Variants in KREMEN1 observed in about 807,000 individuals in gnomAD.
KREMEN1 encodes kremen protein 1.
Under a neutral mutation model 46.5 loss-of-function variants are expected in KREMEN1, and 30 were observed. That is an observed-to-expected ratio of 0.65 (90% confidence interval 0.48 to 0.88). The LOEUF (loss-of-function observed/expected upper bound fraction) is 0.88. Ranked by LOEUF, KREMEN1 falls within the 40% of genes least tolerant of loss-of-function variation. The pLI, the probability that KREMEN1 is intolerant of heterozygous loss-of-function variation, is 0.00. For synonymous variants in KREMEN1, 214 were observed against 230.6 expected (o/e 0.93, Z 0.65); for missense variants, 533 against 596.9 (o/e 0.89, Z 1.11).
At chr22:29,154,345 G>C (rs905684111) in intron 9 of KREMEN1, 1 of 152,204 alleles carries the variant, frequency 6.6e-6, no homozygotes, top group African/African-American at 2.4e-5. Context: ...TAGGGACCTA[G>C]CTGTTGGGTG....
At chr22:29,101,720 C>T (rs973184116) in intron 3 of KREMEN1, among the ~76,000 whole-genome samples, 1 of 152,216 alleles carries the variant, frequency 6.6e-6, no homozygotes, top group Non-Finnish European at 1.5e-5. Flanking sequence ...AGTACAGTAA[C>T]ATGCTGCTCA....
At chr22:29,164,944 G>A (rs892331206) in intron 9 of KREMEN1, among the ~76,000 whole-genome samples, 1 of 151,808 alleles carries the variant, frequency 6.6e-6, no homozygotes, top group Non-Finnish European at 1.5e-5. Context: ...GGAGGCCCAG[G>A]CAGGCGGATC....
chr22:29,132,982 C>G (rs1489640321), intron 5 of KREMEN1, among the ~76,000 whole-genome samples: 1 of 152,174 alleles, frequency 6.6e-6, no homozygotes, highest in Non-Finnish European at 1.5e-5. Flanking sequence ...GATGTGGTGG[C>G]TCATGCCTGT....
intron 4 of KREMEN1, 112 bp downstream of exon 4, chr22:29,121,593 C>A: frequency 8.6e-7 from 1 of 1,156,212 alleles, no homozygotes; most frequent in Non-Finnish European, 1.2e-6. Flanking sequence ...CAAAAGGCCA[C>A]ATATTGTATG....
In KREMEN1 at chr22:29,157,384, C is replaced by A. The variant is rs150682812; in HGVS notation, c.1417-9660C>A. 4.1e-3 allele frequency among the ~76,000 whole-genome samples: 631 copies of A among 152,326 alleles called. 5 individuals are homozygous for A. The highest frequency in any genetic ancestry group is 0.015 in the African/African-American group (603 of 41,562). Reference sequence around the variant, plus strand: ...TGGAGTCTCGCTCTTGTTGCCCAGGCTGGAGTGCAATGGCACGATCTCAGC... The same window carrying A: ...TGGAGTCTCGCTCTTGTTGCCCAGGATGGAGTGCAATGGCACGATCTCAGC... On this transcript the variant is annotated intron_variant, in intron 9 of 9. Transcript: ENST00000327813.
intron 3 of KREMEN1, among the ~76,000 whole-genome samples, chr22:29,107,875 G>T (rs924670795): frequency 6.6e-6 from 1 of 152,186 alleles, no homozygotes; most frequent in African/African-American, 2.4e-5. Context: ...AGTGCTGATG[G>T]AATTTATGGA....
intron 1 of KREMEN1, among the ~76,000 whole-genome samples, chr22:29,082,677 G>A (rs1250120892): frequency 1.3e-5 from 2 of 152,172 alleles, no homozygotes; most frequent in Non-Finnish European, 2.9e-5. Flanking sequence ...CAGGCTATTG[G>A]AAACAGGGCT....
At chr22:29,099,239 G>T in intron 3 of KREMEN1, 1 of 295,894 alleles carries the variant, frequency 3.4e-6, no homozygotes, top group Non-Finnish European at 6.3e-6. Context: ...TATAGAGAGG[G>T]CAACCGCTCA....
At chr22:29,131,821 A>G (rs189536767) in intron 5 of KREMEN1, among the ~76,000 whole-genome samples, 1 of 144,440 alleles carries the variant, frequency 6.9e-6, no homozygotes, top group Non-Finnish European at 1.5e-5. Context: ...ATGGAATCAC[A>G]GTATTTAGCC....
chr22:29,131,487 C>T (rs995749267), intron 5 of KREMEN1, among the ~76,000 whole-genome samples: 1 of 141,692 alleles, frequency 7.1e-6, no homozygotes, highest in Non-Finnish European at 1.5e-5. Context: ...CCTTCCCCAA[C>T]CCAACTCCTC....
At chr22:29,098,137 T>G (rs1201261276) in intron 2 of KREMEN1, among the ~76,000 whole-genome samples, 1 of 151,520 alleles carries the variant, frequency 6.6e-6, no homozygotes, top group East Asian at 1.9e-4. Context: ...GCCGAGATCA[T>G]GCCACTGCAC....
At position 29,143,014 on chromosome 22, in the gene KREMEN1, G is replaced by C. The variant is rs1478548091; in HGVS notation, c.*902G>C. The C allele has an allele frequency of 2.1e-6, 1 of 465,390 alleles. No individual in the cohort carries two copies. The highest frequency in any genetic ancestry group is 6.4e-5 in the Admixed American group (1 of 15,604). The allele number at this position is 465,390 out of a possible 1,614,324, so 28.8% of individuals were successfully genotyped here. ...AAAATATAAAAATTAGTCAGGCGTGGTGGCAGGCGCCTGTAATCCCAGCTA... is the reference window on the plus strand; with the variant it reads ...AAAATATAAAAATTAGTCAGGCGTGCTGGCAGGCGCCTGTAATCCCAGCTA... On this transcript the variant is annotated 3_prime_UTR_variant, in exon 9 of 9. Transcript: ENST00000400335.
intron 5 of KREMEN1, among the ~76,000 whole-genome samples, chr22:29,131,428 T>A (rs1459168222): frequency 6.7e-6 from 1 of 150,166 alleles, no homozygotes; most frequent in African/African-American, 2.5e-5. Flanking sequence ...TTAGGACTTT[T>A]TTTTTTTATC....
chr22:29,135,165 C>G (rs1233518902), intron 5 of KREMEN1, among the ~76,000 whole-genome samples: 1 of 152,184 alleles, frequency 6.6e-6, no homozygotes, highest in Non-Finnish European at 1.5e-5. Flanking sequence ...TTTGCATCGG[C>G]TGCAGTATCC....
downstream of KREMEN1, among the ~76,000 whole-genome samples, chr22:29,149,224 G>T (rs190003347): frequency 6.6e-6 from 1 of 151,794 alleles, no homozygotes; most frequent in East Asian, 1.9e-4. Context: ...GTGCAGTGGC[G>T]CTATTTCAGC....
chr22:29,099,512 G>A (rs1332335086), intron 3 of KREMEN1: 1 of 122,214 alleles, frequency 8.2e-6, no homozygotes, highest in Non-Finnish European at 1.8e-5. Context: ...TTTTCTAACT[G>A]TTTCATTCAT....
At chr22:29,148,538 C>T (rs1337738223), downstream of KREMEN1, among the ~76,000 whole-genome samples, 2 of 151,784 alleles carry the variant, frequency 1.3e-5, no homozygotes, top group Admixed American at 1.3e-4. Flanking sequence ...ACTGCAACCT[C>T]CGCCTCCCGG....
At chr22:29,106,655 T>C (rs1180540083) in intron 3 of KREMEN1, among the ~76,000 whole-genome samples, 1 of 152,198 alleles carries the variant, frequency 6.6e-6, no homozygotes, top group East Asian at 1.9e-4. Context: ...TCCTGATAGC[T>C]AGACCAGTGC....
intron 9 of KREMEN1, among the ~76,000 whole-genome samples, chr22:29,166,083 G>A (rs139560401): frequency 1.8e-4 from 28 of 152,278 alleles, no homozygotes; most frequent in African/African-American, 6.0e-4. Flanking sequence ...GTGCACACAT[G>A]CACACACAGG....
Sources: gnomAD v4.1 joint callset for allele counts (sites outside exome capture counted in the v4.1 genomes callset) on GRCh38, gnomAD v4.1.1 for gene constraint, MANE v1.5 for transcripts, NCBI Gene and HGNC (gene_info 2026-07-23, HGNC 2026-07-21) for gene names.